Variants in TIAM1 observed in about 807,000 individuals in gnomAD.
TIAM1 encodes TIAM Rac1 associated GEF 1.
A neutral mutation model predicts 163.5 loss-of-function variants in TIAM1; 65 were observed. That is an observed-to-expected ratio of 0.40 (90% CI 0.33 to 0.49). TIAM1 has a LOEUF of 0.49. TIAM1 is among the 20% of genes least tolerant of loss of function. TIAM1 has a pLI of 0.77. For synonymous variants in TIAM1, 833 were observed against 810.1 expected, an observed-to-expected ratio of 1.03 and a Z score of -0.48; for missense variants, 1,789 against 2,044.7, an observed-to-expected ratio of 0.87 and a Z score of 2.41.
chr21:31,526,569 C>G (rs2047792698), intron 1 of TIAM1, among the ~76,000 whole-genome samples: 1 of 152,164 alleles, frequency 6.6e-6, no homozygotes, highest in African/African-American at 2.4e-5. Context: ...ACAATGCTTT[C>G]CCACGACAAT....
intron 2 of TIAM1, among the ~76,000 whole-genome samples, chr21:31,384,341 A>C (rs1488506350): frequency 6.7e-6 from 1 of 150,054 alleles, no homozygotes; most frequent in Admixed American, 6.8e-5. Context: ...AAAGCAGAAG[A>C]ACTGCTTGCA....
chr21:31,451,718 CGTGTGTGTGTGTGTGTGT>C (rs59110882), intron 2 of TIAM1, among the ~76,000 whole-genome samples: 17 of 142,166 alleles, frequency 1.2e-4, no homozygotes, highest in African/African-American at 3.9e-4. Context: ...CATGTGTGTG[CGTGTGTGTGTGTGTGTGT>C]GTGTGTGTGT....
intron 2 of TIAM1, chr21:31,452,803 G>A: frequency 1.9e-6 from 1 of 531,602 alleles, no homozygotes. Context: ...GATGAGATGA[G>A]TGAGCAGGAA....
intron 6 of TIAM1, among the ~76,000 whole-genome samples, chr21:31,236,959 G>A (rs538974691): frequency 5.3e-5 from 8 of 152,320 alleles, no homozygotes; most frequent in Admixed American, 5.2e-4. Flanking sequence ...AAGGTGATGA[G>A]TAAGGATAAG....
Position 31,130,141 on chromosome 21 carries a change from G to A in TIAM1, c.4045+72C>T, listed in dbSNP as rs944972496. On this transcript the variant is annotated intron_variant, in intron 25 of 27. Transcript: ENST00000541036. ...GGTAGAAGAGTTAGACCAAGAGTGT[G>A]GATTCAAACAAATAATTCCTACACA... 9.2e-6 allele frequency: 12 copies of A among 1,308,204 alleles called. No individual in the cohort carries two copies. In the African/African-American group the frequency reaches 1.6e-4, roughly 18 times the overall value. The allele number at this position is 1,308,204 out of a possible 1,614,324, so 81.0% of individuals were successfully genotyped here.
chr21:31,322,618 G>A (rs537990828), intron 2 of TIAM1, among the ~76,000 whole-genome samples: 1 of 152,196 alleles, frequency 6.6e-6, no homozygotes, highest in Non-Finnish European at 1.5e-5. Flanking sequence ...CCTCCTGTGG[G>A]TGTTTCTACT....
intron 16 of TIAM1, among the ~76,000 whole-genome samples, chr21:31,157,402 C>A (rs1332333946): frequency 6.6e-6 from 1 of 152,194 alleles, no homozygotes; most frequent in Non-Finnish European, 1.5e-5. Flanking sequence ...TTGGCAGGAT[C>A]TCTGAATACT....
intron 6 of TIAM1, 91 bp downstream of exon 6, chr21:31,245,397 A>T: frequency 2.0e-5 from 14 of 692,894 alleles, no homozygotes; most frequent in East Asian, 3.6e-5. Flanking sequence ...AAAAAAAAAA[A>T]GCAGTGGAGG....
At chr21:31,275,243 T>C (rs1289275679) in intron 3 of TIAM1, among the ~76,000 whole-genome samples, 1 of 152,218 alleles carries the variant, frequency 6.6e-6, no homozygotes, top group African/African-American at 2.4e-5. Context: ...TAGGGCGTTT[T>C]AATTTTCACA....
Position 31,141,104 on chromosome 21 carries a change from A to C in TIAM1, c.3774+14T>G, listed in dbSNP as rs1312349357. The stretch of plus-strand genomic sequence containing the variant: ...CTTTCCTGACAGATGTCCTGAGAAG[A>C]TGGGGACCCTCACCTCTTTTTTCTC... On this transcript the variant is annotated intron_variant, in intron 22 of 27. Transcript: ENST00000541036. This position sits in a 1 kb window ranked among gnomAD's most constrained non-coding sequence, Gnocchi z 4.7. 6.2e-7 allele frequency: 1 copy of C among 1,601,068 alleles called. No homozygotes were observed. Among genetic ancestry groups the C allele is most frequent in the Non-Finnish European group, 8.5e-7 (1 of 1,171,570 alleles).
intron 1 of TIAM1, among the ~76,000 whole-genome samples, chr21:31,501,746 G>A (rs2046857935): frequency 6.6e-6 from 1 of 152,172 alleles, no homozygotes; most frequent in Admixed American, 6.5e-5. Context: ...GGGATTACAG[G>A]CATCTACCAC....
intron 1 of TIAM1, among the ~76,000 whole-genome samples, chr21:31,552,832 G>A (rs964727103): frequency 6.6e-6 from 1 of 152,130 alleles, no homozygotes; most frequent in African/African-American, 2.4e-5. Flanking sequence ...ACCACATGTA[G>A]GGCAGACAGT....
intron 2 of TIAM1, among the ~76,000 whole-genome samples, chr21:31,425,651 TTCTTTCTTTCTCTCTC>T (rs1314913452): frequency 9.8e-5 from 12 of 122,476 alleles, no homozygotes; most frequent in East Asian, 2.7e-4. Flanking sequence ...CTCTCCCTCT[TTCTTTCTTTCTCTCTC>T]TCTTTCTTTC....
chr21:31,199,402 C>CA (rs202137182), intron 12 of TIAM1, among the ~76,000 whole-genome samples: 3 of 152,062 alleles, frequency 2.0e-5, no homozygotes, highest in South Asian at 2.1e-4. Context: ...CCCTCCCCCC[C>CA]ACCATCTCCT....
In TIAM1 at chr21:31,120,936, C is replaced by A. The variant is rs1038617163; in HGVS notation, c.4307-99G>T. On this transcript the variant is annotated intron_variant, in intron 27 of 27. Transcript: ENST00000541036. The surrounding 1 kb of genome is among the most constrained non-coding windows in gnomAD (Gnocchi z 4.2). ...GGACAGGAGAAAATAAAAACCAAAA[C>A]GGTATGCATTGAATGCCTTGATGTC... 2.6e-6 allele frequency: 3 copies of A among 1,166,942 alleles called. No homozygotes were observed. In the East Asian group the frequency reaches 7.7e-5, roughly 30 times the overall value. 72.3% of individuals were successfully genotyped at this position (1,166,942 alleles called of 1,614,324 possible). A position where few individuals can be genotyped will look rare whatever the true frequency, so the allele number is the denominator to read the frequency against.
rs73343480 is a variant in TIAM1 at position 31,487,049 on chromosome 21, G to T, written c.-421-23014C>A. On this transcript the variant is annotated intron_variant, in intron 1 of 28. Coordinates refer to the TIAM1 transcript ENST00000286827. Reference sequence around the variant, plus strand: ...TGGGAAAGGAGGCACTGGAGGTCACGCCTAGCTTCACAGGTGCTTGACAAC... The same window carrying T: ...TGGGAAAGGAGGCACTGGAGGTCACTCCTAGCTTCACAGGTGCTTGACAAC... 3.0e-3 allele frequency among the ~76,000 whole-genome samples: 462 copies of T among 152,294 alleles called. 1 individual carries two copies. Among genetic ancestry groups the T allele is most frequent in the African/African-American group, 0.01 (434 of 41,558 alleles).
intron 2 of TIAM1, among the ~76,000 whole-genome samples, chr21:31,302,694 G>A (rs2074550511): frequency 6.6e-6 from 1 of 152,076 alleles, no homozygotes; most frequent in Non-Finnish European, 1.5e-5. Flanking sequence ...TTTTCAAGGA[G>A]ACTACACTGC....
At chr21:31,377,940 C>T (rs8129190) in intron 2 of TIAM1, among the ~76,000 whole-genome samples, 38,540 of 151,630 alleles carry the variant, frequency 0.25, 5,174 homozygotes, top group Middle Eastern at 0.47. Context: ...AGTTCAAGAC[C>T]TGCCTGACCA....
Position 31,276,148 on chromosome 21 carries a change from G to T in TIAM1, c.-12+584C>A, listed in dbSNP as rs569597310. On this transcript the variant is annotated intron_variant, in intron 3 of 27. Coordinates refer to ENST00000541036, the MANE Select transcript of TIAM1 (RefSeq NM_001353694.2). Reference sequence around the variant, plus strand: ...GAGGCTGAGCTTGAAGACGGTGTTGGGGGGTGGGGGTGAGGGAGAGCTAAG... The same window carrying T: ...GAGGCTGAGCTTGAAGACGGTGTTGTGGGGTGGGGGTGAGGGAGAGCTAAG... 8.5e-4 allele frequency among the ~76,000 whole-genome samples: 129 copies of T among 152,146 alleles called. 2 individuals carry two copies. Among genetic ancestry groups the T allele is most frequent in the South Asian group, 6.3e-3 (30 of 4,798 alleles).
Sources: gnomAD v4.1 joint callset for allele counts (sites outside exome capture counted in the v4.1 genomes callset) on GRCh38, gnomAD v4.1.1 for gene constraint, Gnocchi (gnomAD v3.1) non-coding constraint, MANE v1.5 for transcripts, NCBI Gene and HGNC (gene_info 2026-07-23, HGNC 2026-07-21) for gene names.